Variants in FBLN5 observed in about 807,000 individuals in gnomAD.
FBLN5 encodes the protein fibulin 5.
FBLN5 carries 24 observed loss-of-function variants against 61.6 expected under a neutral mutation model. The observed-to-expected ratio is 0.39, with a 90% CI of 0.28 to 0.55. The LOEUF (loss-of-function observed/expected upper bound fraction) is 0.55, where lower values mean the gene tolerates loss of function less well. FBLN5 is among the 20% of genes least tolerant of loss of function. The probability of loss-of-function intolerance (pLI) is 0.65; values close to 1 mark genes in which losing one functional copy is unlikely to be tolerated. For synonymous variants in FBLN5, 213 were observed against 219.8 expected, an observed-to-expected ratio of 0.97 and a Z score of 0.27; for missense variants, 470 against 594.1, an observed-to-expected ratio of 0.79 and a Z score of 2.17.
chr14:91,881,357 T>C lies in FBLN5; in HGVS notation c.924A>G (p.Leu308=), dbSNP rs375010454. 1.2e-6 allele frequency: 2 copies of C among 1,614,042 alleles called. No homozygotes were observed. Among genetic ancestry groups the C allele is most frequent in the Non-Finnish European group, 1.7e-6 (2 of 1,180,000 alleles). The part of the protein sequence containing the change: ...TCNLQQTCYN[L]QGGFKCIDPI... ...GGTCAATGCATTTGAAGCCCCCTTG[T>C]AAATTGTAGCACGTCTGCTGCAGGT... Residue 308 remains leucine (L), a synonymous_variant, in exon 9 of 11, where the codon TTA becomes TTG. Coordinates refer to ENST00000342058, the MANE Select transcript of FBLN5 (RefSeq NM_006329.4).
At chr14:91,905,058 A>G (rs1890624684) in intron 4 of FBLN5, among the ~76,000 whole-genome samples, 1 of 152,172 alleles carries the variant, frequency 6.6e-6, no homozygotes, top group Non-Finnish European at 1.5e-5. Context: ...CCGTGAGAAT[A>G]CCCAGGTGTG....
chr14:91,877,382 T>C (rs1889215869), intron 10 of FBLN5, 105 bp downstream of exon 10: 1 of 931,228 alleles, frequency 1.1e-6, no homozygotes, highest in Non-Finnish European at 1.8e-6. Context: ...TCTGCCTACC[T>C]GTCCCCCAGC....
chr14:91,919,858 T>C (rs2055703130), intron 4 of FBLN5, among the ~76,000 whole-genome samples: 1 of 152,244 alleles, frequency 6.6e-6, no homozygotes, highest in South Asian at 2.1e-4. Flanking sequence ...TACATTTCTG[T>C]TGTTTAAGCT....
chr14:91,897,981 TTGAGCCTATGG>T (rs1156765273), intron 4 of FBLN5, among the ~76,000 whole-genome samples: 2 of 152,142 alleles, frequency 1.3e-5, no homozygotes, highest in African/African-American at 2.4e-5. Context: ...GCCCAGGAAG[TTGAGCCTATGG>T]TGAGCCAAGA....
chr14:91,874,516 A>G (rs1200335876), intron 10 of FBLN5: 2 of 152,176 alleles, frequency 1.3e-5, no homozygotes, highest in African/African-American at 2.4e-5. Flanking sequence ...CTTAGGTTCA[A>G]ATCCTGCCCT....
At chr14:91,874,096 G>A (rs934800760) in intron 10 of FBLN5, 4 of 152,378 alleles carry the variant, frequency 2.6e-5, no homozygotes, top group East Asian at 1.9e-4. Flanking sequence ...GGGCATAAGT[G>A]TGTGCATGTG....
At chr14:91,934,731 C>T (rs1361720701) in intron 4 of FBLN5, among the ~76,000 whole-genome samples, 1 of 152,196 alleles carries the variant, frequency 6.6e-6, no homozygotes, top group Non-Finnish European at 1.5e-5. Flanking sequence ...CCTCCACACT[C>T]ACCTCCTTGT....
intron 10 of FBLN5, among the ~76,000 whole-genome samples, chr14:91,872,203 T>G (rs55704174): frequency 6.6e-6 from 1 of 152,164 alleles, no homozygotes; most frequent in Non-Finnish European, 1.5e-5. Flanking sequence ...CAGCTAGTCT[T>G]GGGCAGAACC....
At chr14:91,899,913 A>G (rs1453213699) in intron 4 of FBLN5, among the ~76,000 whole-genome samples, 2 of 152,232 alleles carry the variant, frequency 1.3e-5, no homozygotes, top group African/African-American at 4.8e-5. Context: ...CTGTCCAACA[A>G]TCTCGGGGAC....
chr14:91,926,893 A>G (rs1363513479), intron 4 of FBLN5, among the ~76,000 whole-genome samples: 1 of 152,144 alleles, frequency 6.6e-6, no homozygotes, highest in Admixed American at 6.5e-5. Context: ...CCGGAAGATA[A>G]GCATCATTGT....
At chr14:91,931,313 A>C (rs188576281) in intron 4 of FBLN5, among the ~76,000 whole-genome samples, 1 of 152,278 alleles carries the variant, frequency 6.6e-6, no homozygotes, top group Admixed American at 6.5e-5. Flanking sequence ...TTCCTTGTCC[A>C]CAAGCTCTAG....
intron 4 of FBLN5, among the ~76,000 whole-genome samples, chr14:91,921,081 T>C (rs1024441342): frequency 6.6e-6 from 1 of 152,238 alleles, no homozygotes; most frequent in Non-Finnish European, 1.5e-5. Flanking sequence ...CCAGATGTCC[T>C]GCGGCTTCGT....
intron 4 of FBLN5, among the ~76,000 whole-genome samples, chr14:91,914,244 G>A (rs535236041): frequency 1.1e-3 from 160 of 152,074 alleles, no homozygotes; most frequent in Middle Eastern, 3.4e-3. Context: ...TTGGGAGGCC[G>A]AGGCAGGCAG....
At position 91,940,611 on chromosome 14, in the gene FBLN5, C is replaced by T. The variant is rs1414271401; in HGVS notation, c.78G>A (p.Gln26=). ...CLPSPGNAQA[Q]CTNGFDLDRQ... ...GATCCAGGTCAAAGCCATTCGTGCACTGTGCCTGCAGGGAAGGAGAGAGGA... is the reference window on the plus strand; with the variant it reads ...GATCCAGGTCAAAGCCATTCGTGCATTGTGCCTGCAGGGAAGGAGAGAGGA... The change falls in exon 3 of 11, where the codon CAG becomes CAA. Residue 26 remains glutamine, a synonymous_variant. Transcript: ENST00000342058. The T allele has an allele frequency of 6.2e-7, 1 of 1,613,890 alleles. No individual in the cohort carries two copies. The highest frequency in any genetic ancestry group is 1.7e-5 in the Admixed American group (1 of 59,994).
Position 91,943,180 on chromosome 14 carries a change from T to C in FBLN5, c.18-219A>G, listed in dbSNP as rs17127770. ...TCCTGCATTGGGATCATGTGTTAGATCACACTTTTTAATAAAGGGTTTGGC... is the reference window on the plus strand; with the variant it reads ...TCCTGCATTGGGATCATGTGTTAGACCACACTTTTTAATAAAGGGTTTGGC... On this transcript the variant is annotated intron_variant, in intron 1 of 10. Coordinates refer to ENST00000342058, the MANE Select transcript of FBLN5 (RefSeq NM_006329.4). This position sits in a 1 kb window ranked among gnomAD's most constrained non-coding sequence, Gnocchi z 4.0. Among the ~76,000 whole-genome samples, 14,178 of 151,612 alleles carry C rather than the reference T, an allele frequency of 0.094. 851 individuals are homozygous for C. Among genetic ancestry groups the C allele is most frequent in the African/African-American group, 0.17 (6,832 of 41,248 alleles).
At chr14:91,942,996 G>A in intron 1 of FBLN5, 35 bp from the exon 2 acceptor site, 1 of 1,419,856 alleles carries the variant, frequency 7.0e-7, no homozygotes, top group Non-Finnish European at 9.8e-7. Flanking sequence ...AAATGCCCAA[G>A]ACAGATTCAG....
At position 91,937,670 on chromosome 14, in the gene FBLN5, G is replaced by A. The variant is rs117275323; in HGVS notation, c.125-469C>T. Among the ~76,000 whole-genome samples the A allele has an allele frequency of 2.1e-3, 325 of 152,252 alleles. 1 individual carries two copies. Among genetic ancestry groups the A allele is most frequent in the South Asian group, 4.1e-3 (20 of 4,822 alleles). On this transcript the variant is annotated intron_variant, in intron 3 of 10. Transcript: ENST00000342058. ...CAGCTAGCAGCCCAGGCCCCTCACC[G>A]TGTGATGCCTTGCGTACTTCGGAAC...
At chr14:91,893,635 G>A (rs528590319) in intron 5 of FBLN5, among the ~76,000 whole-genome samples, 1 of 152,322 alleles carries the variant, frequency 6.6e-6, no homozygotes, top group Admixed American at 6.5e-5. Flanking sequence ...TCACACCCTA[G>A]AATTAGAAAT....
chr14:91,884,431 T>G (rs1056687880), intron 7 of FBLN5, among the ~76,000 whole-genome samples: 1 of 152,318 alleles, frequency 6.6e-6, no homozygotes, highest in East Asian at 1.9e-4. Context: ...AGAGTAGTAG[T>G]GATGTCTGTC....
Sources: allele counts gnomAD v4.1 joint callset (sites outside exome capture counted in the v4.1 genomes callset), GRCh38; gene constraint gnomAD v4.1.1; non-coding constraint Gnocchi (gnomAD v3.1); transcripts MANE v1.5; gene names NCBI Gene and HGNC (gene_info 2026-07-23, HGNC 2026-07-21).